The following PRKCZ variants were observed in gnomAD, a reference collection of about 807,000 sequenced individuals.
PRKCZ encodes the protein protein kinase C zeta.
In PRKCZ, 33 loss-of-function variants were observed where a neutral mutation model predicts 79.5. The observed-to-expected ratio is 0.41, with a 90% CI of 0.31 to 0.55. PRKCZ has a LOEUF of 0.55. Among genes scored for constraint, PRKCZ ranks in the 20% least tolerant of loss-of-function variants. The probability of loss-of-function intolerance (pLI) is 0.19; values close to 1 mark genes in which losing one functional copy is unlikely to be tolerated. For missense variants in PRKCZ, 578 were observed against 813.5 expected, an observed-to-expected ratio of 0.71 and a Z score of 3.52; for synonymous variants, 342 against 320.9, an observed-to-expected ratio of 1.07 and a Z score of -0.70.
At chr1:2,170,176 T>C (rs1363779124) in intron 11 of PRKCZ, among the ~76,000 whole-genome samples, 1 of 152,166 alleles carries the variant, frequency 6.6e-6, no homozygotes, top group African/African-American at 2.4e-5. Context: ...GGTCTGTTTC[T>C]AGAGTGACCT....
chr1:2,150,923 A>G lies in PRKCZ; in HGVS notation c.821A>G (p.Asn274Ser). 1.9e-6 allele frequency: 3 copies of G among 1,614,162 alleles called. No homozygotes were observed. The highest frequency in any genetic ancestry group is 2.5e-6 in the Non-Finnish European group (3 of 1,180,034). ...GTTCTCCTGGTGCGGTTGAAGAAGA[A>G]TGACCAAATTTACGCCATGAAAGTG... ...AKVLLVRLKKNDQIYAMKVVK... is the reference protein window; with the variant it reads ...AKVLLVRLKKSDQIYAMKVVK... The change falls in exon 9 of 18, where the codon AAT becomes AGT. Residue 274 changes from asparagine to serine, a missense_variant. Physicochemically the swap from Asn to Ser is conservative, Grantham distance 46. This residue lies in a region of PRKCZ where 243 missense variants were observed against 467.0 expected (regional missense o/e 0.52). Transcript: ENST00000378567.
Position 2,050,678 on chromosome 1 carries a change from C to G in PRKCZ, c.48C>G (p.Val16=), listed in dbSNP as rs1476198418. Residue 16 remains valine (V), a synonymous_variant, in exon 1 of 18, where the codon GTC becomes GTG. Coordinates refer to ENST00000378567, the MANE Select transcript of PRKCZ (RefSeq NM_002744.6). ...GPKMEGSGGR[V]RLKAHYGGDI... ...AGATGGAAGGGAGCGGCGGCCGCGTCCGCCTCAAGGCGCATTACGGGGGGT... is the reference window on the plus strand; with the variant it reads ...AGATGGAAGGGAGCGGCGGCCGCGTGCGCCTCAAGGCGCATTACGGGGGGT... 5 of 1,227,614 alleles carry G rather than the reference C, an allele frequency of 4.1e-6. No individual in the cohort carries two copies. The highest frequency in any genetic ancestry group is 5.1e-6 in the Non-Finnish European group (5 of 985,156). 76.0% of individuals were successfully genotyped at this position (1,227,614 alleles called of 1,614,324 possible).
At chr1:2,100,212 T>A (rs1209980366) in intron 4 of PRKCZ, among the ~76,000 whole-genome samples, 1 of 152,208 alleles carries the variant, frequency 6.6e-6, no homozygotes, top group African/African-American at 2.4e-5. Context: ...TATTTTGCAG[T>A]GGTAGAGGTT....
chr1:2,083,190 G>T (rs1278801388), intron 4 of PRKCZ, among the ~76,000 whole-genome samples: 1 of 152,088 alleles, frequency 6.6e-6, no homozygotes, highest in East Asian at 1.9e-4. Flanking sequence ...GGGATTTTAC[G>T]GGAGGAGGGG....
At chr1:2,175,405 C>A in intron 16 of PRKCZ, 92 bp downstream of exon 16, 1 of 959,724 alleles carries the variant, frequency 1.0e-6, no homozygotes, top group Non-Finnish European at 1.5e-6. Flanking sequence ...CAATATTCAC[C>A]CAACCCCCAC....
intron 11 of PRKCZ, among the ~76,000 whole-genome samples, chr1:2,171,062 G>A (rs1027363328): frequency 7.9e-5 from 12 of 152,260 alleles, no homozygotes; most frequent in Admixed American, 2.6e-4. Flanking sequence ...CGGGCGTGGT[G>A]GCTCACGCCT....
chr1:2,119,785 T>A (rs1472424932), intron 4 of PRKCZ, among the ~76,000 whole-genome samples: 1 of 113,770 alleles, frequency 8.8e-6, no homozygotes, highest in African/African-American at 4.5e-5. Flanking sequence ...ATTTCTTTTC[T>A]TTTCTTTTTT....
intron 4 of PRKCZ, among the ~76,000 whole-genome samples, chr1:2,086,153 C>T (rs1166608285): frequency 6.6e-6 from 1 of 151,778 alleles, no homozygotes; most frequent in Non-Finnish European, 1.5e-5. Context: ...CCTCTGCCTC[C>T]CAGGTTTAAG....
At chr1:2,159,213 C>A (rs1681729560) in intron 10 of PRKCZ, among the ~76,000 whole-genome samples, 1 of 152,278 alleles carries the variant, frequency 6.6e-6, no homozygotes. Flanking sequence ...GACCACACAG[C>A]ACCAGACACC....
intron 9 of PRKCZ, among the ~76,000 whole-genome samples, chr1:2,153,874 T>G (rs533158453): frequency 1.3e-5 from 2 of 152,318 alleles, no homozygotes; most frequent in Admixed American, 1.3e-4. Flanking sequence ...GGATGGTTTC[T>G]AGAAATTTCT....
At chr1:2,104,611 G>A (rs1668047319) in intron 4 of PRKCZ, 6 of 896,522 alleles carry the variant, frequency 6.7e-6, no homozygotes, top group Non-Finnish European at 8.0e-6. Flanking sequence ...TGGCCGCGAT[G>A]AGGCCCTGGG....
chr1:2,184,235 A>T (rs923283453), intron 16 of PRKCZ: 5 of 286,114 alleles, frequency 1.7e-5, no homozygotes, highest in African/African-American at 1.1e-4. Flanking sequence ...GGGTTCCAAG[A>T]CGTCATGAGA....
rs1270117557 is a variant in PRKCZ at position 2,082,909 on chromosome 1, G to GA, written c.334+23319dup. ...GGGAGAGGGTGGAGAGGGTGGCAGT[G>GA]AGGGCGCGAGAGGGTGGAGGGGCGG... On this transcript the variant is annotated intron_variant, in intron 4 of 17. Transcript: ENST00000378567. The surrounding 1 kb of genome is among the most constrained non-coding windows in gnomAD (Gnocchi z 4.4). Among the ~76,000 whole-genome samples, 1 of 151,852 alleles carries GA rather than the reference G, an allele frequency of 6.6e-6. No homozygotes were observed. The highest frequency in any genetic ancestry group is 1.5e-5 in the Non-Finnish European group (1 of 67,924).
intron 4 of PRKCZ, among the ~76,000 whole-genome samples, chr1:2,123,870 T>TGGCGGTTAGGGTCACGGC (rs1673154285): frequency 2.0e-4 from 1 of 5,012 alleles, no homozygotes; most frequent in Non-Finnish European, 2.8e-4. Flanking sequence ...AGGGTCACGG[T>TGGCGGTTAGGGTCACGGC]GGCGGTTAGG....
chr1:2,084,473 C>T (rs563554515), intron 4 of PRKCZ, among the ~76,000 whole-genome samples: 88 of 152,334 alleles, frequency 5.8e-4, no homozygotes, highest in African/African-American at 2.1e-3. Flanking sequence ...AGCCAGTTCC[C>T]GCCGCTTCAC....
rs1673709629 is a variant in PRKCZ, at chr1:2,125,590, G to A, written c.335-9672G>A. 6.6e-6 allele frequency among the ~76,000 whole-genome samples: 1 copy of A among 152,204 alleles called. No homozygotes were observed. Among genetic ancestry groups the A allele is most frequent in the African/African-American group, 2.4e-5 (1 of 41,450 alleles). On this transcript the variant is annotated intron_variant, in intron 4 of 17. Transcript: ENST00000378567. This position sits in a 1 kb window ranked among gnomAD's most constrained non-coding sequence, Gnocchi z 4.2. The stretch of plus-strand genomic sequence containing the variant: ...GCTGGCTGCAAGACGTGGAGTGACT[G>A]TGGGTCCCCGTGGCCCCTGACATGC...
intron 4 of PRKCZ, among the ~76,000 whole-genome samples, chr1:2,114,725 G>C (rs1007498298): frequency 8.5e-5 from 13 of 152,058 alleles, no homozygotes; most frequent in Admixed American, 8.5e-4. Flanking sequence ...AGTGGGCCGA[G>C]ATCGTGCCAC....
chr1:2,091,889 G>GT (rs920153717), intron 4 of PRKCZ, among the ~76,000 whole-genome samples: 2 of 152,140 alleles, frequency 1.3e-5, no homozygotes, highest in African/African-American at 4.8e-5. Flanking sequence ...GTGGGCAATT[G>GT]TTTCTTTTTC....
At chr1:2,171,988 C>G in intron 11 of PRKCZ, 67 bp from the exon 12 acceptor site, 13 of 1,521,606 alleles carry the variant, frequency 8.5e-6, no homozygotes, top group Non-Finnish European at 1.1e-5. Context: ...GTGTGGCCCC[C>G]AGGCTGGAGC....
Sources: allele counts gnomAD v4.1 joint callset (sites outside exome capture counted in the v4.1 genomes callset), GRCh38; gene constraint gnomAD v4.1.1; regional missense constraint gnomAD v4.1.1; non-coding constraint Gnocchi (gnomAD v3.1); transcripts MANE v1.5; gene names NCBI Gene and HGNC (gene_info 2026-07-23, HGNC 2026-07-21).